LAMA1: variants seen among roughly 807,000 people sequenced by gnomAD.
LAMA1 encodes the protein laminin subunit alpha-1.
A neutral mutation model predicts 348.7 loss-of-function variants in LAMA1; 219 were observed. That is an observed-to-expected ratio of 0.63 (90% CI 0.56 to 0.70). LAMA1 has a LOEUF of 0.70. Ranked by LOEUF, LAMA1 falls within the 30% of genes least tolerant of loss-of-function variation. The pLI, the probability that LAMA1 is intolerant of heterozygous loss-of-function variation, is 0.00. For missense variants in LAMA1, 3,744 were observed against 3,888.0 expected, an observed-to-expected ratio of 0.96 and a Z score of 0.99; for synonymous variants, 1,487 against 1,491.0, an observed-to-expected ratio of 1.00 and a Z score of 0.06.
intron 3 of LAMA1, among the ~76,000 whole-genome samples, chr18:7,070,129 T>G (rs574580681): frequency 1.4e-4 from 21 of 152,114 alleles, no homozygotes; most frequent in Non-Finnish European, 2.4e-4. Context: ...GGACAGGAAT[T>G]TAGGGTGGCT....
intron 8 of LAMA1, 192 bp from the exon 9 acceptor site, chr18:7,042,442 T>A: frequency 1.7e-6 from 1 of 574,064 alleles, no homozygotes; most frequent in Non-Finnish European, 3.2e-6. Context: ...TTTTTGATGG[T>A]GGCAGTAGTT....
At chr18:6,949,501 G>C (rs573425475) in intron 58 of LAMA1, among the ~76,000 whole-genome samples, 1 of 152,328 alleles carries the variant, frequency 6.6e-6, no homozygotes, top group Non-Finnish European at 1.5e-5. Context: ...ATCTGACATA[G>C]AAAAATGACA....
intron 14 of LAMA1, among the ~76,000 whole-genome samples, chr18:7,033,765 C>T (rs998852762): frequency 5.3e-5 from 8 of 151,088 alleles, no homozygotes; most frequent in Non-Finnish European, 8.8e-5. Context: ...GACAAAGTCT[C>T]GTTGTGCTGC....
intron 9 of LAMA1, among the ~76,000 whole-genome samples, chr18:7,041,786 T>C (rs933637693): frequency 3.3e-5 from 5 of 152,238 alleles, no homozygotes; most frequent in Admixed American, 3.3e-4. Context: ...TGCTCAATTA[T>C]CTGCTCAAAT....
In LAMA1 at chr18:7,067,552, G is replaced by A. The variant is rs114487457; in HGVS notation, c.345+12423C>T. ...AAGTGGGGAATTGGCTGGGAAGGGG[G>A]TGGGGGAGCCTTTTGGGGTGACGCA... On this transcript the variant is annotated intron_variant, in intron 3 of 62. Transcript: ENST00000389658. 2.7e-3 allele frequency among the ~76,000 whole-genome samples: 409 copies of A among 152,112 alleles called. 1 individual carries two copies. The highest frequency in any genetic ancestry group is 7.7e-3 in the African/African-American group (319 of 41,510).
intron 3 of LAMA1, among the ~76,000 whole-genome samples, chr18:7,066,904 C>T (rs1462785): frequency 0.14 from 20,876 of 152,150 alleles, 4,752 homozygotes; most frequent in African/African-American, 0.47. Flanking sequence ...AAAAAATAAA[C>T]TACCGTAACA....
Position 6,999,167 on chromosome 18 carries a change from A to G in LAMA1, c.4663+278T>C, listed in dbSNP as rs113907428. On this transcript the variant is annotated intron_variant, in intron 32 of 62. Transcript: ENST00000389658. The stretch of plus-strand genomic sequence containing the variant: ...ATCACTCCTGGCTCCACTAAAGGAA[A>G]TATTAATGCCACTAAAGGAGAAAGT... Among the ~76,000 whole-genome samples the G allele has an allele frequency of 4.1e-3, 617 of 152,258 alleles. 3 individuals carry two copies. The highest frequency in any genetic ancestry group is 0.014 in the African/African-American group (593 of 41,556).
chr18:7,039,628 G>T (rs535116782), intron 10 of LAMA1, among the ~76,000 whole-genome samples: 1 of 152,288 alleles, frequency 6.6e-6, no homozygotes, highest in Admixed American at 6.5e-5. Context: ...GCCTTTATTG[G>T]TTGAACATAG....
intron 19 of LAMA1, among the ~76,000 whole-genome samples, chr18:7,018,480 C>T (rs2057899826): frequency 6.7e-6 from 1 of 150,116 alleles, no homozygotes; most frequent in East Asian, 2.0e-4. Flanking sequence ...ACTGCAAGCT[C>T]CGCCTTTCGG....
intron 3 of LAMA1, among the ~76,000 whole-genome samples, chr18:7,065,667 C>T (rs1008748252): frequency 6.6e-6 from 1 of 152,126 alleles, no homozygotes; most frequent in South Asian, 2.1e-4. Flanking sequence ...GCAGAGATTG[C>T]AGTGAGCTGA....
intron 56 of LAMA1, chr18:6,955,669 TTCTG>T: frequency 1.5e-6 from 1 of 678,248 alleles, no homozygotes; most frequent in Non-Finnish European, 2.7e-6. Flanking sequence ...CACTTAGAGC[TTCTG>T]TCTGTCACCT....
At chr18:6,974,834 CA>C in intron 46 of LAMA1, 68 bp downstream of exon 46, 8 of 1,573,636 alleles carry the variant, frequency 5.1e-6, no homozygotes, top group Non-Finnish European at 7.0e-6. Context: ...TATGATGTTA[CA>C]AGCATGTAAT....
In LAMA1 at chr18:7,012,091, G is replaced by A. The variant is rs746118691; in HGVS notation, c.3411C>T (p.Phe1137=). ...CCAGGGGGTTGTCTGCGCGGAGAGC[G>A]AAGGTGCCCTCTCGACATTCGTTGC... is the stretch of plus-strand genomic sequence containing the variant. ...PQCNECREGT[F]ALRADNPLGC... is the part of the protein sequence containing the mutation. The change falls in exon 24 of 63, where the codon TTC becomes TTT. Residue 1137 remains phenylalanine (F), a synonymous_variant. Coordinates refer to ENST00000389658, the MANE Select transcript of LAMA1 (RefSeq NM_005559.4). 2.0e-5 allele frequency: 33 copies of A among 1,613,578 alleles called. No individual in the cohort carries two copies. Among genetic ancestry groups the A allele is most frequent in the Non-Finnish European group, 2.7e-5 (32 of 1,179,828 alleles).
rs574838953 is a variant in LAMA1, at chr18:7,017,105, G to A, written c.2808+173C>T. Among the ~76,000 whole-genome samples the A allele has an allele frequency of 4.6e-5, 7 of 152,214 alleles. No homozygotes were observed. The East Asian group carries it at 5.8e-4, about 13-fold the overall frequency. On this transcript the variant is annotated intron_variant, in intron 20 of 62. Coordinates refer to ENST00000389658, the MANE Select transcript of LAMA1 (RefSeq NM_005559.4). ...TTTCCTGAGGCCTCCCCAACCATGCGAAACTGTGAGTCAATCAAACCTCCT... is the reference window on the plus strand; with the variant it reads ...TTTCCTGAGGCCTCCCCAACCATGCAAAACTGTGAGTCAATCAAACCTCCT...
chr18:7,092,511 G>A (rs1046026736), intron 1 of LAMA1, among the ~76,000 whole-genome samples: 6 of 151,780 alleles, frequency 4.0e-5, no homozygotes, highest in South Asian at 2.1e-4. Context: ...TGTAGTCGCC[G>A]CTACTCGGGA....
chr18:7,004,634 G>A (rs1413377069), intron 29 of LAMA1, among the ~76,000 whole-genome samples: 13 of 152,176 alleles, frequency 8.5e-5, no homozygotes, highest in Admixed American at 8.5e-4. Flanking sequence ...TTACAGGCGT[G>A]AGCCACTGCG....
chr18:6,996,334 C>G (rs9957429), intron 33 of LAMA1, among the ~76,000 whole-genome samples: 38,726 of 151,904 alleles, frequency 0.25, 5,800 homozygotes, highest in African/African-American at 0.42. Context: ...CTAAGGAAGT[C>G]CTAAGTTTGA....
intron 62 of LAMA1, among the ~76,000 whole-genome samples, chr18:6,942,939 C>T (rs368669015): frequency 4.6e-5 from 7 of 152,188 alleles, no homozygotes; most frequent in African/African-American, 1.2e-4. Context: ...TAGAGTCATA[C>T]GGCTGCCTTT....
intron 3 of LAMA1, among the ~76,000 whole-genome samples, chr18:7,073,636 T>G (rs2058154939): frequency 6.6e-6 from 1 of 152,270 alleles, no homozygotes; most frequent in African/African-American, 2.4e-5. Flanking sequence ...ATACCATGTT[T>G]TGACTATCCA....
Sources: gnomAD v4.1 joint callset for allele counts (sites outside exome capture counted in the v4.1 genomes callset) on GRCh38, gnomAD v4.1.1 for gene constraint, MANE v1.5 for transcripts, NCBI Gene and HGNC (gene_info 2026-07-23, HGNC 2026-07-21) for gene names.